The following HAT1 variants were observed in gnomAD, a reference collection of about 807,000 sequenced individuals.
HAT1 encodes the protein histone acetyltransferase type B catalytic subunit.
Under a neutral mutation model 56.6 loss-of-function variants are expected in HAT1, and 20 were observed. That is an observed-to-expected ratio of 0.35 (90% confidence interval 0.25 to 0.51). The LOEUF (loss-of-function observed/expected upper bound fraction) is 0.51. HAT1 is among the 20% of genes least tolerant of loss of function. HAT1 has a pLI of 0.95. For missense variants in HAT1, 408 were observed against 504.3 expected (o/e 0.81, Z 1.83); for synonymous variants, 146 against 165.5 (o/e 0.88, Z 0.91).
chr2:171,966,015 A>G, intron 6 of HAT1, 107 bp downstream of exon 6: 2 of 1,008,860 alleles, frequency 2.0e-6, no homozygotes, highest in Non-Finnish European at 2.9e-6. Flanking sequence ...TTTTCCCAGG[A>G]AAGAAAAACT....
chr2:171,975,140 T>C (rs1208054754), intron 8 of HAT1, among the ~76,000 whole-genome samples: 1 of 151,444 alleles, frequency 6.6e-6, no homozygotes, highest in East Asian at 1.9e-4. Flanking sequence ...AGTCTCACTC[T>C]GTTGCCCAGG....
intron 2 of HAT1, among the ~76,000 whole-genome samples, chr2:171,939,226 G>A (rs773700005): frequency 7.9e-5 from 12 of 152,122 alleles, no homozygotes; most frequent in South Asian, 2.1e-4. Context: ...ATAGGTGATC[G>A]TGCACCAGCT....
chr2:171,923,426 G>A (rs1210627082), intron 1 of HAT1: 1 of 151,810 alleles, frequency 6.6e-6, no homozygotes, highest in Non-Finnish European at 1.5e-5. Context: ...CACAACATTC[G>A]GCTAAAAAAA....
intron 10 of HAT1, among the ~76,000 whole-genome samples, chr2:171,982,620 T>C (rs1268508657): frequency 6.6e-6 from 1 of 152,204 alleles, no homozygotes; most frequent in East Asian, 1.9e-4. Context: ...GAGGGTTTAG[T>C]ATGATAATGT....
In HAT1 at chr2:171,961,381, T is replaced by C. The variant is rs570272686; in HGVS notation, c.310-3957T>C. Reference sequence around the variant, plus strand: ...GTGAAGTAGTGGGTAACTAAGATTGTTGTCTTGCTAATTGCTAGCATTTCT... The same window carrying C: ...GTGAAGTAGTGGGTAACTAAGATTGCTGTCTTGCTAATTGCTAGCATTTCT... On this transcript the variant is annotated intron_variant, in intron 4 of 10. Coordinates refer to ENST00000264108, the MANE Select transcript of HAT1 (RefSeq NM_003642.4). 2.6e-5 allele frequency among the ~76,000 whole-genome samples: 4 copies of C among 152,320 alleles called. No individual in the cohort carries two copies. The East Asian group carries it at 7.7e-4, about 29-fold the overall frequency.
intron 2 of HAT1, among the ~76,000 whole-genome samples, chr2:171,926,936 T>G (rs937179942): frequency 6.6e-6 from 1 of 152,234 alleles, no homozygotes; most frequent in Non-Finnish European, 1.5e-5. Flanking sequence ...TAAAGTATAG[T>G]ATAGCTATAC....
chr2:171,966,724 AGGTGGATTG>A, intron 7 of HAT1, 110 bp from the exon 8 acceptor site: 1 of 642,134 alleles, frequency 1.6e-6, no homozygotes, highest in Non-Finnish European at 2.8e-6. Flanking sequence ...GGTATCTCAA[AGGTGGATTG>A]AAAAAAAGAT....
chr2:171,941,243 C>T (rs549186876), intron 2 of HAT1, among the ~76,000 whole-genome samples: 8 of 152,092 alleles, frequency 5.3e-5, no homozygotes, highest in South Asian at 2.1e-4. Context: ...GACAGAGTCT[C>T]GCTCTGTTGT....
chr2:171,964,377 A>G (rs1002409330), intron 4 of HAT1, among the ~76,000 whole-genome samples: 1 of 152,202 alleles, frequency 6.6e-6, no homozygotes, highest in African/African-American at 2.4e-5. Flanking sequence ...ACTCACGGCA[A>G]ACTCCATTAA....
chr2:171,943,986 A>G (rs1357352951), intron 2 of HAT1, among the ~76,000 whole-genome samples: 1 of 151,960 alleles, frequency 6.6e-6, no homozygotes, highest in African/African-American at 2.4e-5. Context: ...CTGTACAAAA[A>G]ATTTAAAAAA....
intron 8 of HAT1, among the ~76,000 whole-genome samples, chr2:171,972,805 C>CTTTT (rs1687852895): frequency 6.6e-6 from 1 of 152,256 alleles, no homozygotes; most frequent in South Asian, 2.1e-4. Flanking sequence ...TTGCTTTCCT[C>CTTTT]TCTTTCTTCC....
At chr2:171,966,680 A>T in intron 7 of HAT1, 163 bp from the exon 8 acceptor site, 1 of 623,522 alleles carries the variant, frequency 1.6e-6, no homozygotes, top group South Asian at 2.0e-5. Context: ...AGTGTAGAAG[A>T]TTAAACTAAT....
At chr2:171,968,181 C>T (rs950122120) in intron 8 of HAT1, among the ~76,000 whole-genome samples, 21 of 152,040 alleles carry the variant, frequency 1.4e-4, no homozygotes, top group African/African-American at 2.7e-4. Context: ...TACTAAACTT[C>T]GTTTATAACA....
chr2:171,924,234 G>C (rs1686519573), intron 1 of HAT1: 2 of 148,894 alleles, frequency 1.3e-5, no homozygotes, highest in Non-Finnish European at 3.0e-5. Context: ...TGGAGACTGA[G>C]TCTCGCTCTG....
chr2:171,942,537 C>A (rs529991681), intron 2 of HAT1, among the ~76,000 whole-genome samples: 1 of 152,160 alleles, frequency 6.6e-6, no homozygotes, highest in East Asian at 1.9e-4. Flanking sequence ...ATTATGTAAG[C>A]CATTTCATGT....
chr2:171,951,524 A>G (rs1225981980), intron 3 of HAT1, among the ~76,000 whole-genome samples: 5 of 150,442 alleles, frequency 3.3e-5, no homozygotes, highest in Admixed American at 2.7e-4. Flanking sequence ...GGTTCAATCT[A>G]TTCTCCTGCC....
At chr2:171,981,915 T>C (rs1688141845) in intron 10 of HAT1, among the ~76,000 whole-genome samples, 1 of 152,160 alleles carries the variant, frequency 6.6e-6, no homozygotes, top group African/African-American at 2.4e-5. Flanking sequence ...ATGATGAAAT[T>C]TGGGCACAGA....
chr2:171,929,061 A>C (rs1470837272), intron 2 of HAT1, among the ~76,000 whole-genome samples: 1 of 152,202 alleles, frequency 6.6e-6, no homozygotes, highest in East Asian at 1.9e-4. Context: ...ACAGTGTATT[A>C]GAATTTTCGT....
intron 2 of HAT1, among the ~76,000 whole-genome samples, chr2:171,943,726 CATATATAT>C (rs141557606): frequency 1.4e-5 from 2 of 142,994 alleles, no homozygotes; most frequent in East Asian, 2.0e-4. Context: ...TATGGACATT[CATATATAT>C]ATATATATAT....
Sources: allele counts gnomAD v4.1 joint callset (sites outside exome capture counted in the v4.1 genomes callset), GRCh38; gene constraint gnomAD v4.1.1; transcripts MANE v1.5; gene names NCBI Gene and HGNC (gene_info 2026-07-23, HGNC 2026-07-21).